PBRM1: variants seen among roughly 807,000 people sequenced by gnomAD.
The protein encoded by PBRM1 is protein polybromo-1.
In PBRM1, 27 loss-of-function variants were observed where a neutral mutation model predicts 194.5. The observed-to-expected ratio is 0.14, with a 90% CI of 0.10 to 0.19. The LOEUF is 0.19. PBRM1 is among the 10% of genes least tolerant of loss of function. The pLI is 1.00. For synonymous variants in PBRM1, 655 were observed against 693.2 expected, an observed-to-expected ratio of 0.94 and a Z score of 0.87; for missense variants, 1,466 against 2,077.2, an observed-to-expected ratio of 0.71 and a Z score of 5.72.
At chr3:52,592,420 C>T (rs1467762036) in intron 17 of PBRM1, among the ~76,000 whole-genome samples, 1 of 152,180 alleles carries the variant, frequency 6.6e-6, no homozygotes, top group African/African-American at 2.4e-5. Context: ...GCATGAGCCA[C>T]CACACCTGGC....
chr3:52,561,479 C>T (rs531138094), intron 25 of PBRM1, among the ~76,000 whole-genome samples: 1 of 152,246 alleles, frequency 6.6e-6, no homozygotes, highest in South Asian at 2.1e-4. Flanking sequence ...TGTGTGCTTA[C>T]AGGGCTCAAT....
chr3:52,567,497 A>T (rs1225980319), intron 22 of PBRM1, among the ~76,000 whole-genome samples: 5 of 145,008 alleles, frequency 3.4e-5, no homozygotes, highest in Non-Finnish European at 7.4e-5. Context: ...GGTAAATACC[A>T]TTTCCTCATG....
At chr3:52,591,437 C>T (rs1390388159) in intron 17 of PBRM1, among the ~76,000 whole-genome samples, 1 of 150,716 alleles carries the variant, frequency 6.6e-6, no homozygotes, top group Non-Finnish European at 1.5e-5. Context: ...TCTTTAATAC[C>T]TAGTTTATCT....
rs2096178489 is a variant in PBRM1, at chr3:52,643,357, A to C, written c.900-14T>G. On this transcript the variant is annotated splice_polypyrimidine_tract_variant and intron_variant, in intron 8 of 29. Transcript: ENST00000296302. The stretch of plus-strand genomic sequence containing the variant: ...TTGGATGGAGTCCTATCCAGAGATA[A>C]GATAAAAAGCTTAGAAACTTGGTAG... The C allele has an allele frequency of 6.3e-7, 1 of 1,580,492 alleles. No homozygotes were observed. The highest frequency in any genetic ancestry group is 1.1e-5 in the South Asian group (1 of 90,354).
At position 52,673,666 on chromosome 3, in the gene PBRM1, C is replaced by T. The variant is rs1172944542; in HGVS notation, c.236+4834G>A. ...CAGCCTGGGCAACAGAGTGGGACTCCATCTCAAAAAAAAAAAAAAAAAAAA... is the reference window on the plus strand; with the variant it reads ...CAGCCTGGGCAACAGAGTGGGACTCTATCTCAAAAAAAAAAAAAAAAAAAA... On this transcript the variant is annotated intron_variant, in intron 2 of 29. Coordinates refer to ENST00000296302, the Ensembl canonical transcript of PBRM1. Among the ~76,000 whole-genome samples the T allele has an allele frequency of 1.2e-3, 87 of 74,878 alleles. No homozygotes were observed. The Middle Eastern group carries it at 0.036, about 31-fold the overall frequency. The allele number at this position is 74,878 out of a possible 152,430, so 49.1% of individuals were successfully genotyped here.
intron 22 of PBRM1, among the ~76,000 whole-genome samples, chr3:52,574,615 G>C (rs2088732265): frequency 6.6e-6 from 1 of 152,176 alleles, no homozygotes; most frequent in African/African-American, 2.4e-5. Context: ...CCACACACAT[G>C]CCAACAATAG....
intron 1 of PBRM1, among the ~76,000 whole-genome samples, chr3:52,679,052 G>A (rs1254164547): frequency 6.6e-6 from 1 of 152,042 alleles, no homozygotes; most frequent in Non-Finnish European, 1.5e-5. Context: ...TCTCCTTCCT[G>A]ACCATCCCCT....
intron 2 of PBRM1, among the ~76,000 whole-genome samples, chr3:52,675,736 T>C (rs2097084284): frequency 1.3e-5 from 2 of 152,156 alleles, no homozygotes; most frequent in Admixed American, 1.3e-4. Flanking sequence ...CAAGCAAATT[T>C]TGACAAAGGC....
At chr3:52,567,565 C>CAAAAAA (rs10644120) in intron 22 of PBRM1, among the ~76,000 whole-genome samples, 2 of 91,680 alleles carry the variant, frequency 2.2e-5, no homozygotes, top group African/African-American at 4.4e-5. Flanking sequence ...TAGGTAATCT[C>CAAAAAA]AAAAAAAAAA....
chr3:52,556,993 T>A (rs2082370000), intron 26 of PBRM1, among the ~76,000 whole-genome samples: 1 of 152,222 alleles, frequency 6.6e-6, no homozygotes, highest in South Asian at 2.1e-4. Context: ...CCCCTGGGTT[T>A]TGAAGTCAAG....
At chr3:52,564,088 G>A (rs749972956) in exon 23 of PBRM1, 1 of 1,613,486 alleles carries the variant, frequency 6.2e-7, no homozygotes, top group Non-Finnish European at 8.5e-7. Flanking sequence ...CTTTAGCAGA[G>A]AGTGAAAACC....
intron 2 of PBRM1, among the ~76,000 whole-genome samples, chr3:52,674,479 CAA>C (rs34865590): frequency 1.8e-4 from 11 of 61,340 alleles, no homozygotes; most frequent in East Asian, 9.3e-4. Context: ...AACTCCATCT[CAA>C]AAAAAAAAAA....
At chr3:52,666,218 C>A (rs2096831286) in intron 3 of PBRM1, among the ~76,000 whole-genome samples, 1 of 152,120 alleles carries the variant, frequency 6.6e-6, no homozygotes, top group African/African-American at 2.4e-5. Context: ...GAGTTTGATT[C>A]TGGCCTCGGC....
At chr3:52,657,400 T>A (rs879784210) in intron 5 of PBRM1, among the ~76,000 whole-genome samples, 4 of 152,244 alleles carry the variant, frequency 2.6e-5, no homozygotes, top group Non-Finnish European at 4.4e-5. Flanking sequence ...TCTGATCATG[T>A]AAAATGATAG....
At chr3:52,636,694 T>C (rs1353326568) in intron 10 of PBRM1, among the ~76,000 whole-genome samples, 9 of 139,006 alleles carry the variant, frequency 6.5e-5, no homozygotes, top group Admixed American at 4.0e-4. Flanking sequence ...AAGGCGGAGA[T>C]TGTAGTAAGC....
rs375903686 is a variant in PBRM1, at chr3:52,584,711, C to G, written c.3387+1714G>C. On this transcript the variant is annotated intron_variant, in intron 20 of 29. Coordinates refer to ENST00000296302, the Ensembl canonical transcript of PBRM1. ...ACTCAAGCGATCCACCTGCCCTGGCCTCCCAAAGTTCTAGGATTACAGGTA... is the reference window on the plus strand; with the variant it reads ...ACTCAAGCGATCCACCTGCCCTGGCGTCCCAAAGTTCTAGGATTACAGGTA... Among the ~76,000 whole-genome samples the G allele has an allele frequency of 2.0e-5, 3 of 152,108 alleles. No individual in the cohort carries two copies. In the East Asian group the frequency reaches 5.8e-4, roughly 29 times the overall value.
At chr3:52,640,863 T>C (rs2096053605) in intron 10 of PBRM1, among the ~76,000 whole-genome samples, 1 of 152,090 alleles carries the variant, frequency 6.6e-6, no homozygotes, top group East Asian at 1.9e-4. Context: ...GGTCTTGAAC[T>C]CCTGACCTCA....
chr3:52,664,053 C>T (rs1163932019), intron 3 of PBRM1, among the ~76,000 whole-genome samples: 1 of 144,498 alleles, frequency 6.9e-6, no homozygotes, highest in African/African-American at 2.6e-5. Flanking sequence ...AAGCCAGACT[C>T]CGTCTCAAAA....
At chr3:52,547,548 T>C (rs1313649404), downstream of PBRM1, 1 of 233,492 alleles carries the variant, frequency 4.3e-6, no homozygotes, top group Non-Finnish European at 8.5e-6. Flanking sequence ...GCTTAAGATA[T>C]TCAGGCACAT....
Sources: allele counts gnomAD v4.1 joint callset (sites outside exome capture counted in the v4.1 genomes callset), GRCh38; gene constraint gnomAD v4.1.1; transcripts MANE v1.5; gene names NCBI Gene and HGNC (gene_info 2026-07-23, HGNC 2026-07-21).